GNAO1: variants seen among roughly 807,000 people sequenced by gnomAD.
GNAO1 encodes guanine nucleotide-binding protein G(o) subunit alpha.
For missense variants in GNAO1, 166 were observed against 478.7 expected, an observed-to-expected ratio of 0.35 and a Z score of 6.10; for synonymous variants, 164 against 180.7, an observed-to-expected ratio of 0.91 and a Z score of 0.74.
chr16:56,322,519 C>T (rs964697389), intron 3 of GNAO1, among the ~76,000 whole-genome samples: 4 of 152,152 alleles, frequency 2.6e-5, no homozygotes, highest in Non-Finnish European at 4.4e-5. Context: ...CTTGTGAAGC[C>T]CACCATCCTT....
At chr16:56,260,945 CT>C (rs2036897879) in intron 2 of GNAO1, among the ~76,000 whole-genome samples, 1 of 152,166 alleles carries the variant, frequency 6.6e-6, no homozygotes. Context: ...GAATTCTCCC[CT>C]ACTCTTGTTC....
intron 2 of GNAO1, among the ~76,000 whole-genome samples, chr16:56,212,273 T>A (rs1195636103): frequency 1.3e-5 from 2 of 152,236 alleles, no homozygotes; most frequent in African/African-American, 4.8e-5. Context: ...TATGTAACCT[T>A]TGTCCCGATG....
intron 3 of GNAO1, among the ~76,000 whole-genome samples, chr16:56,305,294 A>G (rs1363563445): frequency 6.6e-6 from 1 of 152,252 alleles, no homozygotes; most frequent in Non-Finnish European, 1.5e-5. Flanking sequence ...CAATTCCCCT[A>G]GGAAGAGAAA....
intron 6 of GNAO1, chr16:56,340,982 A>G (rs749130075): frequency 6.2e-7 from 1 of 1,613,456 alleles, no homozygotes; most frequent in South Asian, 1.1e-5. Context: ...TTTCCTGAAT[A>G]TACAGGTAGA....
chr16:56,200,022 C>A (rs2036268434), intron 2 of GNAO1, among the ~76,000 whole-genome samples: 2 of 152,174 alleles, frequency 1.3e-5, no homozygotes, highest in Admixed American at 6.5e-5. Context: ...TCATAGCTAA[C>A]AATTTACCTT....
At chr16:56,262,417 A>G (rs1382480068) in intron 2 of GNAO1, among the ~76,000 whole-genome samples, 1 of 152,214 alleles carries the variant, frequency 6.6e-6, no homozygotes, top group African/African-American at 2.4e-5. Flanking sequence ...CTTGTCTGTG[A>G]GCTGTCAGCC....
chr16:56,263,405 C>T (rs1226220727), intron 2 of GNAO1, among the ~76,000 whole-genome samples: 2 of 152,164 alleles, frequency 1.3e-5, no homozygotes, highest in Non-Finnish European at 2.9e-5. Context: ...GAACTCAGTC[C>T]TCATGGAGCT....
rs753591618 is a variant in GNAO1 at position 56,300,036 on chromosome 16, T to TGTGTGTGTGTGTGTGTGCGC, written c.303+23965_303+23966insTGTGTGTGTGTGTGTGCGCG. 4.4e-4 allele frequency among the ~76,000 whole-genome samples: 42 copies of TGTGTGTGTGTGTGTGTGCGC among 95,172 alleles called. 1 individual carries two copies. The highest frequency in any genetic ancestry group is 1.4e-3 in the African/African-American group (29 of 21,126). 62.4% of individuals were successfully genotyped at this position (95,172 alleles called of 152,430 possible). The stretch of plus-strand genomic sequence containing the variant: ...GTGTGTGTGTGTGTGTGTGTGTGTG[T>TGTGTGTGTGTGTGTGTGCGC]GCGCGCGCGCGCGCGCACGCACATG... On this transcript the variant is annotated intron_variant, in intron 3 of 8. Transcript: ENST00000262493.
rs1222479179 is a variant in GNAO1, at chr16:56,351,557, G to A, written c.877+20G>A. The A allele has an allele frequency of 6.2e-7, 1 of 1,601,604 alleles. No individual in the cohort carries two copies. The highest frequency in any genetic ancestry group is 1.7e-5 in the Admixed American group (1 of 59,934). Reference sequence around the variant, plus strand: ...ACACAGGTGGGTGCCAGGCAGTCCTGTGCAGGGGGAAGCCTGCCCCTGACA... The same window carrying A: ...ACACAGGTGGGTGCCAGGCAGTCCTATGCAGGGGGAAGCCTGCCCCTGACA... On this transcript the variant is annotated intron_variant, in intron 7 of 8. Transcript: ENST00000262493. The surrounding 1 kb of genome is among the most constrained non-coding windows in gnomAD (Gnocchi z 6.1).
chr16:56,256,718 CTG>C (rs199786327), intron 2 of GNAO1, among the ~76,000 whole-genome samples: 796 of 72,232 alleles, frequency 0.011, 1 homozygote, highest in East Asian at 0.019. Context: ...CTCTCTCTCT[CTG>C]TGTGTGTGTG....
intron 2 of GNAO1, chr16:56,194,207 C>T (rs1441594236): frequency 4.4e-6 from 2 of 456,566 alleles, no homozygotes; most frequent in Admixed American, 2.3e-5. Context: ...CTCGCCGCAC[C>T]CTTCTGAGCC....
At chr16:56,247,437 C>T (rs1399924033) in intron 2 of GNAO1, among the ~76,000 whole-genome samples, 1 of 150,100 alleles carries the variant, frequency 6.7e-6, no homozygotes, top group Non-Finnish European at 1.5e-5. Context: ...TTTTGCTTTT[C>T]TCTTGCAGTG....
At chr16:56,192,731 C>A in intron 2 of GNAO1, 115 bp downstream of exon 2, 1 of 663,314 alleles carries the variant, frequency 1.5e-6, no homozygotes. Flanking sequence ...TTCGTGCACA[C>A]ACACACACAC....
At chr16:56,220,124 G>A (rs1440891683) in intron 2 of GNAO1, among the ~76,000 whole-genome samples, 1 of 152,132 alleles carries the variant, frequency 6.6e-6, no homozygotes, top group African/African-American at 2.4e-5. Context: ...GGACAGCCAT[G>A]TGAACAGATA....
intron 2 of GNAO1, among the ~76,000 whole-genome samples, chr16:56,259,588 C>G (rs965842727): frequency 2.0e-5 from 3 of 152,218 alleles, no homozygotes; most frequent in East Asian, 1.9e-4. Context: ...TCAGAGCTCT[C>G]CCTAGACAGT....
intron 2 of GNAO1, among the ~76,000 whole-genome samples, chr16:56,266,964 G>A (rs1050228766): frequency 1.1e-4 from 16 of 152,260 alleles, no homozygotes; most frequent in African/African-American, 3.4e-4. Flanking sequence ...AGCCGCCACC[G>A]TGTCCACATC....
At chr16:56,261,575 G>A (rs1481126781) in intron 2 of GNAO1, among the ~76,000 whole-genome samples, 1 of 152,242 alleles carries the variant, frequency 6.6e-6, no homozygotes, top group African/African-American at 2.4e-5. Flanking sequence ...GGTCTGTAAT[G>A]TAGAAGAGAC....
At chr16:56,212,847 A>T (rs1421044526) in intron 2 of GNAO1, among the ~76,000 whole-genome samples, 1 of 152,224 alleles carries the variant, frequency 6.6e-6, no homozygotes, top group Non-Finnish European at 1.5e-5. Context: ...GCTTCCAGAT[A>T]AGAGTGATGA....
At chr16:56,195,268 C>T (rs934218435) in intron 2 of GNAO1, among the ~76,000 whole-genome samples, 7 of 152,172 alleles carry the variant, frequency 4.6e-5, no homozygotes, top group African/African-American at 7.2e-5. Context: ...GGGACCCTGG[C>T]GTCCTGTCCT....
Sources: gnomAD v4.1 joint callset for allele counts (sites outside exome capture counted in the v4.1 genomes callset) on GRCh38, gnomAD v4.1.1 for gene constraint, Gnocchi (gnomAD v3.1) non-coding constraint, MANE v1.5 for transcripts, NCBI Gene and HGNC (gene_info 2026-07-23, HGNC 2026-07-21) for gene names.